MYBPC1: variants seen among roughly 807,000 people sequenced by gnomAD.
The protein encoded by MYBPC1 is myosin binding protein C1.
MYBPC1 carries 52 observed loss-of-function variants against 147.1 expected under a neutral mutation model. The observed-to-expected ratio is 0.35, with a 90% CI of 0.28 to 0.45. The LOEUF (loss-of-function observed/expected upper bound fraction) is 0.45. Ranked by LOEUF, MYBPC1 falls within the 20% of genes least tolerant of loss-of-function variation. The pLI, the probability that MYBPC1 is intolerant of heterozygous loss-of-function variation, is 1.00. For synonymous variants in MYBPC1, 477 were observed against 475.9 expected (o/e 1.00, Z -0.03); for missense variants, 1,228 against 1,440.3 (o/e 0.85, Z 2.39).
chr12:101,670,545 A>G, intron 24 of MYBPC1, 136 bp downstream of exon 24: 2 of 779,564 alleles, frequency 2.6e-6, no homozygotes, highest in Non-Finnish European at 2.3e-6. Flanking sequence ...AAAGAATGAA[A>G]GAGTATTGGA....
intron 25 of MYBPC1, among the ~76,000 whole-genome samples, chr12:101,674,140 T>C (rs1264488685): frequency 6.6e-6 from 1 of 152,214 alleles, no homozygotes; most frequent in African/African-American, 2.4e-5. Flanking sequence ...AAGGCATATA[T>C]GTTCAAGAAA....
chr12:101,669,284 C>T (rs1898077405), intron 23 of MYBPC1, among the ~76,000 whole-genome samples: 1 of 152,148 alleles, frequency 6.6e-6, no homozygotes, highest in African/African-American at 2.4e-5. Context: ...CTTTTTTGCA[C>T]AGAAGCTCCA....
intron 10 of MYBPC1, among the ~76,000 whole-genome samples, chr12:101,637,379 C>G (rs1314243136): frequency 6.6e-6 from 1 of 152,060 alleles, no homozygotes; most frequent in Non-Finnish European, 1.5e-5. Flanking sequence ...ATTATGGATA[C>G]TTAGAACATA....
intron 22 of MYBPC1, chr12:101,666,657 C>A: frequency 7.9e-7 from 1 of 1,259,752 alleles, no homozygotes; most frequent in Non-Finnish European, 1.2e-6. Context: ...GCATACTTTA[C>A]TAACAGAGAA....
intron 1 of MYBPC1, among the ~76,000 whole-genome samples, chr12:101,602,249 C>T (rs527762505): frequency 6.6e-6 from 1 of 152,248 alleles, no homozygotes; most frequent in Admixed American, 6.5e-5. Context: ...GAGTCTTGCT[C>T]TGTCGCCCAG....
chr12:101,642,611 C>A (rs376946306), intron 11 of MYBPC1, 26 bp downstream of exon 11: 3 of 1,597,058 alleles, frequency 1.9e-6, no homozygotes, highest in Non-Finnish European at 2.6e-6. Flanking sequence ...GGCGAGGCAG[C>A]GGCCGAGGGG....
intron 29 of MYBPC1, among the ~76,000 whole-genome samples, chr12:101,681,158 A>G (rs1273750208): frequency 6.6e-6 from 1 of 152,190 alleles, no homozygotes; most frequent in Non-Finnish European, 1.5e-5. Flanking sequence ...AAGAAAACAC[A>G]TAAGGATTTA....
intron 1 of MYBPC1, among the ~76,000 whole-genome samples, chr12:101,595,800 T>C (rs1352400136): frequency 6.6e-6 from 1 of 152,144 alleles, no homozygotes; most frequent in African/African-American, 2.4e-5. Flanking sequence ...AAAAATATTC[T>C]TCCTTAGAAG....
intron 30 of MYBPC1, among the ~76,000 whole-genome samples, chr12:101,683,092 G>T (rs181447671): frequency 1.3e-5 from 2 of 151,854 alleles, no homozygotes; most frequent in Admixed American, 1.3e-4. Flanking sequence ...CATTTTTTTT[G>T]ATGTTCTGAG....
At position 101,648,162 on chromosome 12, in the gene MYBPC1, T is replaced by G. The variant is rs777065575; in HGVS notation, c.1196+12T>G. ...GCCAATGTAAAATGGTAAATAGCCT[T>G]AATGAAGTCTGTCCATGTTTAATAG... is the stretch of plus-strand genomic sequence containing the variant. On this transcript the variant is annotated intron_variant, in intron 14 of 31. Coordinates refer to ENST00000361466, the MANE Select transcript of MYBPC1 (RefSeq NM_002465.4). The G allele has an allele frequency of 2.5e-6, 4 of 1,583,984 alleles. No individual in the cohort carries two copies. The highest frequency in any genetic ancestry group is 3.5e-6 in the Non-Finnish European group (4 of 1,157,042).
intron 5 of MYBPC1, 127 bp from the exon 6 acceptor site, chr12:101,629,307 G>A (rs1336389849): frequency 2.8e-6 from 2 of 719,904 alleles, no homozygotes; most frequent in Non-Finnish European, 5.0e-6. Flanking sequence ...AAAGAATGAT[G>A]TTGTATTTAT....
At chr12:101,647,992 T>A in intron 13 of MYBPC1, 53 bp from the exon 14 acceptor site, 1 of 1,427,518 alleles carries the variant, frequency 7.0e-7, no homozygotes, top group Middle Eastern at 1.8e-4. Context: ...TCAGGGCTCA[T>A]GGGATAGGCT....
intron 1 of MYBPC1, among the ~76,000 whole-genome samples, chr12:101,595,328 A>G (rs1363621351): frequency 6.6e-6 from 1 of 152,228 alleles, no homozygotes; most frequent in African/African-American, 2.4e-5. Context: ...TAAAATTATC[A>G]AATGATAATT....
rs760918433 is a variant in MYBPC1, at chr12:101,632,108, G to C, written c.526G>C (p.Asp176His). 2 of 1,613,544 alleles carry C rather than the reference G, an allele frequency of 1.2e-6. No individual in the cohort carries two copies. The highest frequency in any genetic ancestry group is 1.7e-6 in the Non-Finnish European group (2 of 1,179,442). ...CGAGGTCACCTATAAGGATAAGTTT[G>C]ACAGCTGTTCATTTGATCTTGAAGT... ...RCEVTYKDKF[D>H]SCSFDLEVHE... The change falls in exon 8 of 32, where the codon GAC becomes CAC. Residue 176 changes from aspartate to histidine, a missense_variant. Around this residue, in one of 2 missense-constraint regions of MYBPC1, gnomAD observed 1,077 missense variants for 1,314.2 expected, o/e 0.82. Transcript: ENST00000361466.
At position 101,684,366 on chromosome 12, in the gene MYBPC1, T is replaced by C. The variant is rs765693907; in HGVS notation, c.3493-16T>C. The C allele has an allele frequency of 2.0e-5, 31 of 1,567,140 alleles. No individual in the cohort carries two copies. The South Asian group carries it at 3.2e-4, about 16-fold the overall frequency. On this transcript the variant is annotated splice_polypyrimidine_tract_variant and intron_variant, in intron 30 of 31. Coordinates refer to ENST00000361466, the MANE Select transcript of MYBPC1 (RefSeq NM_002465.4). ...CTTACGACTTCTCTCTCTCTCCCTCTTTCTCTTTTCCTTAGTCATTGCACA... is the reference window on the plus strand; with the variant it reads ...CTTACGACTTCTCTCTCTCTCCCTCCTTCTCTTTTCCTTAGTCATTGCACA...
chr12:101,685,866 T>C lies in MYBPC1; in HGVS notation c.*304T>C, dbSNP rs1005208556. The C allele has an allele frequency of 2.0e-6, 1 of 507,964 alleles. No homozygotes were observed. Among genetic ancestry groups the C allele is most frequent in the African/African-American group, 2.0e-5 (1 of 50,470 alleles). The allele number at this position is 507,964 out of a possible 1,614,324, so 31.5% of individuals were successfully genotyped here. On this transcript the variant is annotated 3_prime_UTR_variant, in exon 32 of 32. Transcript: ENST00000361466. ...GCTTAATTAAAAATTGCAAACAAAA[T>C]CTCATTTGAAGTCAGCACTTTGGTC...
intron 23 of MYBPC1, 143 bp from the exon 24 acceptor site, chr12:101,670,178 C>T: frequency 4.0e-6 from 3 of 749,400 alleles, no homozygotes; most frequent in East Asian, 2.5e-5. Context: ...TACTATATAT[C>T]GTCTGTTAGT....
intron 3 of MYBPC1, among the ~76,000 whole-genome samples, chr12:101,625,896 C>A (rs1382520359): frequency 6.6e-6 from 1 of 151,708 alleles, no homozygotes; most frequent in African/African-American, 2.4e-5. Context: ...CCACCCTGGC[C>A]AACATGGTGA....
chr12:101,606,877 T>A (rs1882407601), intron 1 of MYBPC1, among the ~76,000 whole-genome samples: 1 of 152,074 alleles, frequency 6.6e-6, no homozygotes, highest in Non-Finnish European at 1.5e-5. Flanking sequence ...CAGGCTGGAG[T>A]GCAGTGGTGC....
Sources: gnomAD v4.1 joint callset for allele counts (sites outside exome capture counted in the v4.1 genomes callset) on GRCh38, gnomAD v4.1.1 for gene constraint, gnomAD v4.1.1 regional missense constraint, MANE v1.5 for transcripts, NCBI Gene and HGNC (gene_info 2026-07-23, HGNC 2026-07-21) for gene names.